The following SETBP1 variants were observed in gnomAD, a reference collection of about 807,000 sequenced individuals.
SETBP1 encodes the protein SET binding protein 1, also known as SET-binding protein.
Under a neutral mutation model 101.0 loss-of-function variants are expected in SETBP1, and 9 were observed. The observed-to-expected ratio is 0.09, with a 90% CI of 0.05 to 0.16. The LOEUF is 0.16. Ranked by LOEUF, SETBP1 falls within the 10% of genes least tolerant of loss-of-function variation. The pLI is 1.00. For missense variants in SETBP1, 1,858 were observed against 2,033.8 expected, an observed-to-expected ratio of 0.91 and a Z score of 1.66; for synonymous variants, 818 against 788.5, an observed-to-expected ratio of 1.04 and a Z score of -0.63.
At chr18:44,943,778 A>G (rs1430326414) in intron 3 of SETBP1, among the ~76,000 whole-genome samples, 1 of 151,846 alleles carries the variant, frequency 6.6e-6, no homozygotes, top group South Asian at 2.1e-4. Flanking sequence ...AGGGGTTTGG[A>G]ATCCCACAGT....
chr18:44,976,552 C>A (rs1407336326), intron 4 of SETBP1, among the ~76,000 whole-genome samples: 1 of 152,148 alleles, frequency 6.6e-6, no homozygotes, highest in Non-Finnish European at 1.5e-5. Context: ...GTGTTTGGGG[C>A]CTTAGAATGG....
At chr18:44,897,553 G>A (rs975134878) in intron 3 of SETBP1, among the ~76,000 whole-genome samples, 3 of 152,140 alleles carry the variant, frequency 2.0e-5, no homozygotes, top group Non-Finnish European at 4.4e-5. Context: ...ATCAAGCAGG[G>A]GCCATCATCT....
chr18:45,061,198 T>A (rs1321823835), intron 5 of SETBP1, among the ~76,000 whole-genome samples: 1 of 152,218 alleles, frequency 6.6e-6, no homozygotes, highest in African/African-American at 2.4e-5. Context: ...TTAGTATCAC[T>A]ATATTTGCAA....
chr18:45,014,113 C>G (rs374646359), intron 4 of SETBP1, among the ~76,000 whole-genome samples: 2 of 152,140 alleles, frequency 1.3e-5, no homozygotes, highest in South Asian at 2.1e-4. Flanking sequence ...GGTGGGAGGG[C>G]TGTGGAAAGC....
At chr18:44,717,838 G>A (rs1033124464) in intron 2 of SETBP1, among the ~76,000 whole-genome samples, 2 of 152,176 alleles carry the variant, frequency 1.3e-5, no homozygotes, top group Admixed American at 6.5e-5. Flanking sequence ...GAAGGTCAGA[G>A]AGGTTGAAGT....
In SETBP1 at chr18:45,065,210, A is replaced by C. The variant is rs897111183; in HGVS notation, c.*1512A>C. 1.3e-5 allele frequency: 2 copies of C among 152,232 alleles called. No individual in the cohort carries two copies. The highest frequency in any genetic ancestry group is 2.9e-5 in the Non-Finnish European group (2 of 68,048). 9.4% of individuals were successfully genotyped at this position (152,232 alleles called of 1,614,324 possible). On this transcript the variant is annotated 3_prime_UTR_variant, in exon 6 of 6. Transcript: ENST00000649279. ...ATAAAATATGTTAAGCAGGCTCAGA[A>C]TGAATATGAAGAATTCCATTTCCGT...
At chr18:44,879,831 T>G (rs750872852) in intron 3 of SETBP1, among the ~76,000 whole-genome samples, 2 of 152,202 alleles carry the variant, frequency 1.3e-5, no homozygotes, top group Non-Finnish European at 2.9e-5. Context: ...CTTCATTGAC[T>G]GCTTCCTTCT....
In SETBP1 at chr18:45,038,538, G is replaced by A. The variant is rs146222882; in HGVS notation, c.4054G>A (p.Glu1352Lys). 15 of 1,614,018 alleles carry A rather than the reference G, an allele frequency of 9.3e-6. No individual in the cohort carries two copies. In the Admixed American group the frequency reaches 1.3e-4, roughly 14 times the overall value. Residue 1352 changes from glutamate to lysine, a missense_variant, in exon 5 of 6, where the codon GAA (glutamate) becomes AAA (lysine). By Grantham distance (56) the Glu-to-Lys change is moderately conservative (BLOSUM62 1). Coordinates refer to ENST00000649279, the MANE Select transcript of SETBP1 (RefSeq NM_015559.3). Reference sequence around the variant, plus strand: ...CCAGACAGCAGTGCATAGTAAGAACGAAGGCTCAGTGCCCACCATGATGAC... The same window carrying A: ...CCAGACAGCAGTGCATAGTAAGAACAAAGGCTCAGTGCCCACCATGATGAC... ...VDQTAVHSKN[E>K]GSVPTMMTRK...
At chr18:44,904,946 G>A (rs951320152) in intron 3 of SETBP1, among the ~76,000 whole-genome samples, 1 of 152,132 alleles carries the variant, frequency 6.6e-6, no homozygotes, top group African/African-American at 2.4e-5. Context: ...CTAACAAATG[G>A]GAGTTGACAA....
At chr18:44,851,262 G>A (rs1186850138) in intron 2 of SETBP1, among the ~76,000 whole-genome samples, 2 of 152,222 alleles carry the variant, frequency 1.3e-5, no homozygotes, top group African/African-American at 4.8e-5. Flanking sequence ...GAGGGCCCAG[G>A]AAAGCTTCCT....
At chr18:44,955,314 C>T (rs887980519) in intron 4 of SETBP1, among the ~76,000 whole-genome samples, 1 of 152,188 alleles carries the variant, frequency 6.6e-6, no homozygotes, top group Non-Finnish European at 1.5e-5. Flanking sequence ...CAGCCAGCCA[C>T]TTGAGATGGG....
intron 2 of SETBP1, among the ~76,000 whole-genome samples, chr18:44,862,759 G>A (rs1340560500): frequency 6.6e-6 from 1 of 152,186 alleles, no homozygotes; most frequent in Non-Finnish European, 1.5e-5. Flanking sequence ...TCCACAAAGT[G>A]TAAACAAGCT....
intron 4 of SETBP1, among the ~76,000 whole-genome samples, chr18:45,011,505 G>A (rs2072836918): frequency 6.6e-6 from 1 of 152,318 alleles, no homozygotes; most frequent in Non-Finnish European, 1.5e-5. Context: ...TTCATCCACA[G>A]AGTCTCACTA....
At chr18:44,886,229 C>A (rs544620583) in intron 3 of SETBP1, among the ~76,000 whole-genome samples, 2 of 152,252 alleles carry the variant, frequency 1.3e-5, no homozygotes, top group South Asian at 4.1e-4. Flanking sequence ...ATGGGAGGTG[C>A]ATACTTGAAT....
At chr18:44,781,796 C>A (rs2071137155) in intron 2 of SETBP1, among the ~76,000 whole-genome samples, 1 of 152,108 alleles carries the variant, frequency 6.6e-6, no homozygotes, top group East Asian at 1.9e-4. Flanking sequence ...AGAAGCTGAG[C>A]AAATGGAGCC....
At chr18:45,047,389 C>T (rs1458389260) in intron 5 of SETBP1, among the ~76,000 whole-genome samples, 1 of 152,170 alleles carries the variant, frequency 6.6e-6, no homozygotes, top group Non-Finnish European at 1.5e-5. Context: ...TTAAAGGGCA[C>T]ATATATTTTA....
intron 2 of SETBP1, among the ~76,000 whole-genome samples, chr18:44,743,776 A>G (rs8096181): frequency 0.82 from 124,279 of 152,158 alleles, 50,940 homozygotes; most frequent in African/African-American, 0.88. Flanking sequence ...CTACCCATGG[A>G]CAGCTGCCCA....
intron 4 of SETBP1, among the ~76,000 whole-genome samples, chr18:44,969,580 C>G (rs2071796604): frequency 6.6e-6 from 1 of 152,078 alleles, no homozygotes; most frequent in Non-Finnish European, 1.5e-5. Flanking sequence ...TGAGGGCATG[C>G]TAGAGAAACA....
intron 3 of SETBP1, among the ~76,000 whole-genome samples, chr18:44,938,196 G>A (rs927045173): frequency 3.3e-5 from 5 of 152,180 alleles, no homozygotes; most frequent in Non-Finnish European, 5.9e-5. Flanking sequence ...CCACAACCCT[G>A]TTGGCTTCCC....
Sources: allele counts gnomAD v4.1 joint callset (sites outside exome capture counted in the v4.1 genomes callset), GRCh38; gene constraint gnomAD v4.1.1; transcripts MANE v1.5; gene names NCBI Gene and HGNC (gene_info 2026-07-23, HGNC 2026-07-21).